CEP192: variants seen among roughly 807,000 people sequenced by gnomAD.
CEP192 encodes the protein centrosomal protein of 192 kDa.
In CEP192, 151 loss-of-function variants were observed where a neutral mutation model predicts 271.8. The ratio of observed to expected loss-of-function variants is 0.56; its 90% confidence interval spans 0.49 to 0.64. The LOEUF is 0.64. Among genes scored for constraint, CEP192 ranks in the 30% least tolerant of loss-of-function variants. The probability of loss-of-function intolerance (pLI) is 0.00; values close to 1 mark genes in which losing one functional copy is unlikely to be tolerated. For synonymous variants in CEP192, 995 were observed against 1,076.5 expected, an observed-to-expected ratio of 0.92 and a Z score of 1.48; for missense variants, 2,910 against 3,020.5, an observed-to-expected ratio of 0.96 and a Z score of 0.86.
intron 3 of CEP192, among the ~76,000 whole-genome samples, chr18:13,008,192 C>A (rs890393234): frequency 1.3e-5 from 2 of 152,140 alleles, no homozygotes; most frequent in South Asian, 2.1e-4. Context: ...AGTAAAAAAA[C>A]CACTTTTTGC....
rs144990015 is a variant in CEP192, at chr18:13,035,202, T to C, written c.1535-2035T>C. Among the ~76,000 whole-genome samples the C allele has an allele frequency of 5.8e-4, 88 of 152,312 alleles. 1 individual carries two copies. In the East Asian group the frequency reaches 0.016, roughly 28 times the overall value. ...ATAAATCCTATTTTGAGCTGTTCGG[T>C]CAATTATTTAAAAACCAGGTGATAT... is the stretch of plus-strand genomic sequence containing the variant. On this transcript the variant is annotated intron_variant, in intron 11 of 44. Coordinates refer to ENST00000506447, the MANE Select transcript of CEP192 (RefSeq NM_032142.4).
At chr18:13,122,895 AAGTACT>A (rs2040738959) in intron 44 of CEP192, among the ~76,000 whole-genome samples, 1 of 152,162 alleles carries the variant, frequency 6.6e-6, no homozygotes, top group East Asian at 1.9e-4. Flanking sequence ...TAGTATTACA[AAGTACT>A]TTTTAAAATA....
rs144576875 is a variant in CEP192 at position 13,059,288 on chromosome 18, C to T, written c.4464C>T (p.Ala1488=). ...EALASTVTLT[A]IAESPVIEVE... Reference sequence around the variant, plus strand: ...TGGCCAGCACCGTCACTCTCACTGCCATTGCCGAGAGTCCTGTTATTGAGG... The same window carrying T: ...TGGCCAGCACCGTCACTCTCACTGCTATTGCCGAGAGTCCTGTTATTGAGG... Residue 1488 remains alanine (A), a synonymous_variant, in exon 21 of 45, where the codon GCC becomes GCT. Transcript: ENST00000506447. 3 of 1,613,638 alleles carry T rather than the reference C, an allele frequency of 1.9e-6. No homozygotes were observed. The highest frequency in any genetic ancestry group is 2.5e-6 in the Non-Finnish European group (3 of 1,179,636).
At chr18:13,007,898 C>T (rs1357094499) in intron 3 of CEP192, among the ~76,000 whole-genome samples, 1 of 152,168 alleles carries the variant, frequency 6.6e-6, no homozygotes, top group African/African-American at 2.4e-5. Context: ...TCCGTTCCCA[C>T]CCCTCTCTTT....
At chr18:13,072,705 A>T in intron 28 of CEP192, 50 bp from the exon 29 acceptor site, 1 of 1,216,942 alleles carries the variant, frequency 8.2e-7, no homozygotes, top group Non-Finnish European at 1.2e-6. Context: ...TTATAATGGT[A>T]GCAATATCCA....
chr18:13,030,073 A>G, intron 10 of CEP192, 71 bp downstream of exon 10: 2 of 1,155,298 alleles, frequency 1.7e-6, no homozygotes, highest in South Asian at 1.6e-5. Context: ...ACATATTTTC[A>G]TGTGAAATGT....
intron 13 of CEP192, among the ~76,000 whole-genome samples, chr18:13,039,783 A>G (rs2036107183): frequency 6.6e-6 from 1 of 152,218 alleles, no homozygotes; most frequent in Non-Finnish European, 1.5e-5. Flanking sequence ...GCCTGCCGCC[A>G]TATGTCAGGT....
intron 9 of CEP192, among the ~76,000 whole-genome samples, chr18:13,029,400 AC>A: frequency 6.6e-6 from 1 of 152,196 alleles, no homozygotes; most frequent in South Asian, 2.1e-4. Flanking sequence ...AATGTAATGC[AC>A]ACACAGAGCT....
intron 9 of CEP192, among the ~76,000 whole-genome samples, chr18:13,022,940 G>A (rs2035076425): frequency 6.6e-6 from 1 of 152,048 alleles, no homozygotes; most frequent in African/African-American, 2.4e-5. Context: ...TCATATGTGG[G>A]GGTGTTAATG....
In CEP192 at chr18:13,104,972, AT is replaced by A; in HGVS notation, c.6952-10del. The A allele has an allele frequency of 1.3e-6, 2 of 1,593,444 alleles. No individual in the cohort carries two copies. Among genetic ancestry groups the A allele is most frequent in the Non-Finnish European group, 1.7e-6 (2 of 1,161,264 alleles). On this transcript the variant is annotated splice_polypyrimidine_tract_variant and intron_variant, in intron 39 of 44. Coordinates refer to ENST00000506447, the MANE Select transcript of CEP192 (RefSeq NM_032142.4). ...TTATGGTTTTTAATTTGTTTAAATG[AT>A]TGCTTTGCAGGGAGTTGATGAAAGT...
chr18:13,009,011 TTTG>T lies in CEP192; in HGVS notation c.466+383_466+385del, dbSNP rs767446798. ...GGCCTAAGCCACTGTGCCTGGCCTT[TTTG>T]TTTTTTTTTTTTTTTTTGCTTAATT... On this transcript the variant is annotated intron_variant, in intron 4 of 44. Coordinates refer to ENST00000506447, the MANE Select transcript of CEP192 (RefSeq NM_032142.4). 3.9e-4 allele frequency among the ~76,000 whole-genome samples: 41 copies of T among 106,354 alleles called. No individual in the cohort carries two copies. The East Asian group carries it at 8.3e-3, about 21-fold the overall frequency. The allele number at this position is 106,354 out of a possible 152,430, so 69.8% of individuals were successfully genotyped here.
At chr18:13,032,950 T>A (rs1275871207) in intron 11 of CEP192, among the ~76,000 whole-genome samples, 1 of 152,230 alleles carries the variant, frequency 6.6e-6, no homozygotes, top group Non-Finnish European at 1.5e-5. Context: ...TCTATTTGTA[T>A]ACAGCTGGGC....
At chr18:13,068,067 T>C in intron 22 of CEP192, 27 bp from the exon 23 acceptor site, 3 of 1,613,194 alleles carry the variant, frequency 1.9e-6, no homozygotes, top group Non-Finnish European at 1.7e-6. Flanking sequence ...TTGGCTTTAC[T>C]GAACTGATTC....
At chr18:13,120,758 G>T (rs1202138467) in intron 44 of CEP192, among the ~76,000 whole-genome samples, 1 of 152,186 alleles carries the variant, frequency 6.6e-6, no homozygotes, top group Non-Finnish European at 1.5e-5. Flanking sequence ...GGACTACAGG[G>T]TAAATGCATA....
chr18:13,012,604 T>C (rs941647694), intron 4 of CEP192, among the ~76,000 whole-genome samples: 1 of 152,214 alleles, frequency 6.6e-6, no homozygotes, highest in Non-Finnish European at 1.5e-5. Context: ...GCGTCTCGTG[T>C]GTCAGTGCCT....
intron 40 of CEP192, among the ~76,000 whole-genome samples, chr18:13,112,290 A>G (rs1415910285): frequency 1.3e-5 from 2 of 152,254 alleles, no homozygotes; most frequent in African/African-American, 4.8e-5. Context: ...TTGGCAGTGA[A>G]AAGGAATGGA....
chr18:13,114,028 T>C (rs1409461453), intron 41 of CEP192, 102 bp from the exon 42 acceptor site: 6 of 1,377,292 alleles, frequency 4.4e-6, no homozygotes, highest in South Asian at 1.4e-5. Context: ...AAATTGCCTT[T>C]TAAAAATTTT....
chr18:13,097,791 G>GCCTT (rs1555741112), intron 36 of CEP192, among the ~76,000 whole-genome samples: 1 of 151,314 alleles, frequency 6.6e-6, no homozygotes, highest in African/African-American at 2.4e-5. Context: ...GGACCCTGAG[G>GCCTT]CCTTCCGCAG....
At chr18:13,005,779 T>A (rs1053189070) in intron 3 of CEP192, among the ~76,000 whole-genome samples, 1 of 152,242 alleles carries the variant, frequency 6.6e-6, no homozygotes, top group Non-Finnish European at 1.5e-5. Flanking sequence ...CTTTGACCCC[T>A]TCTTGGGGAG....
Sources: gnomAD v4.1 joint callset for allele counts (sites outside exome capture counted in the v4.1 genomes callset) on GRCh38, gnomAD v4.1.1 for gene constraint, MANE v1.5 for transcripts, NCBI Gene and HGNC (gene_info 2026-07-23, HGNC 2026-07-21) for gene names.